Variants in DCTN4 observed in about 807,000 individuals in gnomAD.
DCTN4 encodes dynactin 4 (p62).
In DCTN4, 23 loss-of-function variants were observed where a neutral mutation model predicts 62.7. The ratio of observed to expected loss-of-function variants is 0.37; its 90% CI spans 0.26 to 0.52. The LOEUF (loss-of-function observed/expected upper bound fraction) is 0.52. DCTN4 is among the 20% of genes least tolerant of loss of function. DCTN4 has a pLI of 0.92. For synonymous variants in DCTN4, 199 were observed against 202.1 expected (o/e 0.98, Z 0.13); for missense variants, 514 against 580.4 (o/e 0.89, Z 1.18).
At chr5:150,738,607 A>G (rs1340128196) in intron 4 of DCTN4, among the ~76,000 whole-genome samples, 3 of 152,198 alleles carry the variant, frequency 2.0e-5, no homozygotes, top group African/African-American at 4.8e-5. Context: ...CATAGAAGGA[A>G]CATGCCTTAA....
At chr5:150,734,252 AAAG>A (rs1760492996) in intron 4 of DCTN4, 1 of 152,200 alleles carries the variant, frequency 6.6e-6, no homozygotes, top group African/African-American at 2.4e-5. Context: ...AGACCCTTTA[AAAG>A]AAGTGGCTTG....
Position 150,731,501 on chromosome 5 carries a change from T to A in DCTN4, c.538-12A>T. ...AGACCATATTTGTCCTAAACAAAGTTCAGAAATTCCTATTAGAAAGTCCAC... is the reference window on the plus strand; with the variant it reads ...AGACCATATTTGTCCTAAACAAAGTACAGAAATTCCTATTAGAAAGTCCAC... On this transcript the variant is annotated splice_polypyrimidine_tract_variant and intron_variant, in intron 5 of 12. Coordinates refer to ENST00000447998, the MANE Select transcript of DCTN4 (RefSeq NM_016221.4). 1 of 1,610,378 alleles carries A rather than the reference T, an allele frequency of 6.2e-7. No individual in the cohort carries two copies. Among genetic ancestry groups the A allele is most frequent in the Non-Finnish European group, 8.5e-7 (1 of 1,178,718 alleles).
At position 150,710,898 on chromosome 5, in the gene DCTN4, C is replaced by T; in HGVS notation, c.*251G>A. On this transcript the variant is annotated 3_prime_UTR_variant, in exon 13 of 13. Transcript: ENST00000447998. Reference sequence around the variant, plus strand: ...CCTTTCCTAGGATGGAATTATGCTGCTGTTACTCAACGTGCAGGGTTCAGT... The same window carrying T: ...CCTTTCCTAGGATGGAATTATGCTGTTGTTACTCAACGTGCAGGGTTCAGT... 9.9e-6 allele frequency: 5 copies of T among 504,698 alleles called. No homozygotes were observed. Among genetic ancestry groups the T allele is most frequent in the South Asian group, 2.2e-5 (1 of 44,758 alleles). 31.3% of individuals were successfully genotyped at this position (504,698 alleles called of 1,614,324 possible). A position where few individuals can be genotyped will look rare whatever the true frequency, so the allele number is the denominator to read the frequency against.
intron 1 of DCTN4, among the ~76,000 whole-genome samples, chr5:150,757,134 G>C (rs542641345): frequency 4.6e-5 from 7 of 152,190 alleles, no homozygotes; most frequent in Admixed American, 1.3e-4. Flanking sequence ...TAGAACTCTA[G>C]TCACCTGCAA....
At chr5:150,712,581 C>T (rs1197662638) in intron 12 of DCTN4, among the ~76,000 whole-genome samples, 5 of 152,330 alleles carry the variant, frequency 3.3e-5, no homozygotes, top group Non-Finnish European at 5.9e-5. Flanking sequence ...GCATGAGCCA[C>T]CATGCCTGGC....
intron 8 of DCTN4, among the ~76,000 whole-genome samples, chr5:150,723,330 T>G (rs893762942): frequency 2.6e-5 from 4 of 152,206 alleles, no homozygotes; most frequent in Admixed American, 2.0e-4. Context: ...GGTATTACAT[T>G]AAGGTTGCCA....
At position 150,730,656 on chromosome 5, in the gene DCTN4, A is replaced by T; in HGVS notation, c.809T>A (p.Leu270Gln). The change falls in exon 8 of 13, where the codon CTG becomes CAG. Residue 270 changes from leucine (L) to glutamine (Q), a missense_variant. Physicochemically the swap from Leu to Gln is moderately radical, Grantham distance 113. Transcript: ENST00000447998. ...SQLYPRHKHL[L>Q]IKRSLRCRKC... ...ACGGCAGCGCAGGGACCGTTTGATC[A>T]GAAGATGTTTGTGGCGAGGATAGAG... is the stretch of plus-strand genomic sequence containing the variant. The T allele has an allele frequency of 6.2e-7, 1 of 1,614,062 alleles. No homozygotes were observed. Among genetic ancestry groups the T allele is most frequent in the Non-Finnish European group, 8.5e-7 (1 of 1,179,944 alleles).
chr5:150,736,356 G>C (rs2113079735), intron 4 of DCTN4: 1 of 152,266 alleles, frequency 6.6e-6, no homozygotes, highest in South Asian at 2.1e-4. Flanking sequence ...AGAGTTATGA[G>C]GCAAAAACAT....
chr5:150,743,625 G>A (rs1760851679), intron 3 of DCTN4, among the ~76,000 whole-genome samples: 1 of 152,204 alleles, frequency 6.6e-6, no homozygotes, highest in Non-Finnish European at 1.5e-5. Flanking sequence ...CGATCAGACA[G>A]CAGCATTCGC....
At chr5:150,753,703 A>C in intron 2 of DCTN4, 46 bp from the exon 3 acceptor site, 1 of 1,570,772 alleles carries the variant, frequency 6.4e-7, no homozygotes. Context: ...ATATTTATCA[A>C]GGAATTCAAG....
At position 150,730,624 on chromosome 5, in the gene DCTN4, T is replaced by C. The variant is rs1415167449; in HGVS notation, c.834+7A>G. 1 of 1,612,202 alleles carries C rather than the reference T, an allele frequency of 6.2e-7. No homozygotes were observed. Among genetic ancestry groups the C allele is most frequent in the Non-Finnish European group, 8.5e-7 (1 of 1,178,594 alleles). On this transcript the variant is annotated splice_region_variant and intron_variant, in intron 8 of 12. Coordinates refer to ENST00000447998, the MANE Select transcript of DCTN4 (RefSeq NM_016221.4). ...CAAATGGTCAGTCTACAGAATGGAATACTTACACGGCAGCGCAGGGACCGT... is the reference window on the plus strand; with the variant it reads ...CAAATGGTCAGTCTACAGAATGGAACACTTACACGGCAGCGCAGGGACCGT...
intron 8 of DCTN4, among the ~76,000 whole-genome samples, chr5:150,727,637 G>A (rs1016236870): frequency 6.6e-6 from 1 of 151,576 alleles, no homozygotes; most frequent in Non-Finnish European, 1.5e-5. Context: ...TTAGCCGGGC[G>A]TGGTGGCGGG....
chr5:150,756,663 G>A (rs574354081), intron 1 of DCTN4, among the ~76,000 whole-genome samples, 176 bp from the exon 2 acceptor site: 2 of 144,388 alleles, frequency 1.4e-5, no homozygotes, highest in East Asian at 2.0e-4. Flanking sequence ...TTCTTCTTCC[G>A]GATTTAAAAA....
In DCTN4 at chr5:150,739,958, C is replaced by T. The variant is rs544436174; in HGVS notation, c.429+2156G>A. Reference sequence around the variant, plus strand: ...TGTATCAAAGACTTAAATCTAAGACCTGAAACCATAAAAATTCTAGAAGAT... The same window carrying T: ...TGTATCAAAGACTTAAATCTAAGACTTGAAACCATAAAAATTCTAGAAGAT... On this transcript the variant is annotated intron_variant, in intron 4 of 12. Coordinates refer to ENST00000447998, the MANE Select transcript of DCTN4 (RefSeq NM_016221.4). 8.5e-5 allele frequency among the ~76,000 whole-genome samples: 13 copies of T among 152,204 alleles called. No individual in the cohort carries two copies. The East Asian group carries it at 1.7e-3, about 20-fold the overall frequency.
chr5:150,735,196 C>T (rs1760531272), intron 4 of DCTN4, among the ~76,000 whole-genome samples: 1 of 147,646 alleles, frequency 6.8e-6, no homozygotes, highest in Non-Finnish European at 1.5e-5. Context: ...GAAAGCGCCA[C>T]CTCCTGGCTG....
At chr5:150,755,694 C>T in intron 2 of DCTN4, 1 of 407,646 alleles carries the variant, frequency 2.5e-6, no homozygotes, top group South Asian at 1.8e-5. Flanking sequence ...TATCACACCA[C>T]ACCCAAGAGG....
chr5:150,741,424 C>T (rs896817772), intron 4 of DCTN4, among the ~76,000 whole-genome samples: 1 of 152,166 alleles, frequency 6.6e-6, no homozygotes, highest in African/African-American at 2.4e-5. Context: ...ATCCTCCTGC[C>T]TTAGCTTCCT....
At chr5:150,718,005 C>T (rs73796423) in intron 11 of DCTN4, among the ~76,000 whole-genome samples, 7,726 of 152,160 alleles carry the variant, frequency 0.051, 660 homozygotes, top group African/African-American at 0.18. Context: ...ACCCTGGTGG[C>T]AAGAGAGAAG....
chr5:150,758,725 A>T, intron 1 of DCTN4, 134 bp downstream of exon 1: 1 of 1,392,980 alleles, frequency 7.2e-7, no homozygotes, highest in Non-Finnish European at 9.7e-7. Flanking sequence ...ATTAAATCGC[A>T]GGCAAACCCG....
Sources: allele counts gnomAD v4.1 joint callset (sites outside exome capture counted in the v4.1 genomes callset), GRCh38; gene constraint gnomAD v4.1.1; transcripts MANE v1.5; gene names NCBI Gene and HGNC (gene_info 2026-07-23, HGNC 2026-07-21).